PLK5: variants seen among roughly 807,000 people sequenced by gnomAD.
PLK5 encodes the protein polo like kinase 5 (inactive).
In PLK5, 28 loss-of-function variants were observed where a neutral mutation model predicts 33.7. The ratio of observed to expected loss-of-function variants is 0.83; its 90% confidence interval spans 0.62 to 1.14. The LOEUF (loss-of-function observed/expected upper bound fraction) is 1.14, where lower values mean the gene tolerates loss of function less well. Ranked by LOEUF, PLK5 falls within the 50% of genes most tolerant of loss-of-function variation. The probability of loss-of-function intolerance (pLI) is 0.00; values close to 1 mark genes in which losing one functional copy is unlikely to be tolerated. For missense variants in PLK5, 492 were observed against 461.5 expected (o/e 1.07, Z -0.61); for synonymous variants, 225 against 202.2 (o/e 1.11, Z -0.96).
Position 1,535,395 on chromosome 19 carries a change from TG to T in PLK5, c.*146del, listed in dbSNP as rs777393231. 1.9e-5 allele frequency: 16 copies of T among 835,274 alleles called. No individual in the cohort carries two copies. The highest frequency in any genetic ancestry group is 2.6e-5 in the Non-Finnish European group (15 of 569,186). The allele number at this position is 835,274 out of a possible 1,614,324, so 51.7% of individuals were successfully genotyped here. The stretch of plus-strand genomic sequence containing the variant: ...GTGGGTTCTTGCCTTGTGGCATGAC[TG>T]TTCAACCCAGACTTTGCTGGGATCT... On this transcript the variant is annotated 3_prime_UTR_variant, in exon 14 of 14. Coordinates refer to ENST00000454744, the MANE Select transcript of PLK5 (RefSeq NM_001243079.2).
In PLK5 at chr19:1,528,419, C is replaced by T. The variant is rs1266248220; in HGVS notation, c.319C>T (p.Arg107Trp). ...GGGCCAGCGGCTGCTCACCCAGTGC[C>T]GGCCACCCTGTAAGTACCACCCCCG... The part of the protein sequence containing the change: ...KVGQRLLTQC[R>W]PPCPFTPKEA... The change falls in exon 8 of 14, where the codon CGG (arginine) becomes TGG (tryptophan). Residue 107 changes from arginine to tryptophan, a missense_variant. Physicochemically the swap from Arg to Trp is moderately radical, Grantham distance 101 (BLOSUM62 -3). Coordinates refer to ENST00000454744, the MANE Select transcript of PLK5 (RefSeq NM_001243079.2). 5 of 1,534,064 alleles carry T rather than the reference C, an allele frequency of 3.3e-6. No individual in the cohort carries two copies. The highest frequency in any genetic ancestry group is 1.4e-5 in the African/African-American group (1 of 72,760).
chr19:1,535,477 T>C lies in PLK5; in HGVS notation c.*227T>C, dbSNP rs1489455944. ...GCTGTAGGCCATGGTCTGCCTCTCT[T>C]TGGGGGAAAGCGTTTGAGGAGCTTT... On this transcript the variant is annotated 3_prime_UTR_variant, in exon 14 of 14. Coordinates refer to ENST00000454744, the MANE Select transcript of PLK5 (RefSeq NM_001243079.2). 2 of 538,172 alleles carry C rather than the reference T, an allele frequency of 3.7e-6. No homozygotes were observed. Among genetic ancestry groups the C allele is most frequent in the African/African-American group, 2.0e-5 (1 of 50,276 alleles). The allele number at this position is 538,172 out of a possible 1,614,324, so 33.3% of individuals were successfully genotyped here.
Position 1,526,954 on chromosome 19 carries a change from C to T in PLK5, c.-43C>T, listed in dbSNP as rs773290324. 50 of 1,532,854 alleles carry T rather than the reference C, an allele frequency of 3.3e-5. No individual in the cohort carries two copies. The highest frequency in any genetic ancestry group is 1.7e-4 in the South Asian group (14 of 84,018). 95.0% of individuals were successfully genotyped at this position (1,532,854 alleles called of 1,614,324 possible). On this transcript the variant is annotated 5_prime_UTR_variant, in exon 6 of 14. In the 5' UTR this introduces an upstream ATG that the reference lacks. Transcript: ENST00000454744. ...TGGACCCTGAGGTTGTCTCCAGAAA[C>T]GGTCACTCCTGCCAGTAGGACATCT...
intron 7 of PLK5, 79 bp downstream of exon 7, chr19:1,528,213 C>T (rs538699681): frequency 5.2e-5 from 80 of 1,532,564 alleles, no homozygotes; most frequent in South Asian, 4.4e-4. Context: ...CCTGCTCAGC[C>T]GAGGGAGGCC....
At chr19:1,534,190 T>A in intron 13 of PLK5, 149 bp downstream of exon 13, 2 of 653,844 alleles carry the variant, frequency 3.1e-6, no homozygotes, top group Non-Finnish European at 5.2e-6. Context: ...GGCTCCTGCG[T>A]ACAAAACCAC....
intron 12 of PLK5, chr19:1,533,614 G>A: frequency 1.9e-6 from 1 of 538,360 alleles, no homozygotes; most frequent in Non-Finnish European, 3.3e-6. Flanking sequence ...GTGTAACTAG[G>A]GCAGAGCTGC....
In PLK5 at chr19:1,532,890, TCTC is replaced by T. The variant is rs555392377; in HGVS notation, c.714+1010_714+1012del. 1.7e-3 allele frequency among the ~76,000 whole-genome samples: 258 copies of T among 151,824 alleles called. 2 individuals are homozygous for T. The highest frequency in any genetic ancestry group is 5.0e-3 in the Admixed American group (76 of 15,232). The stretch of plus-strand genomic sequence containing the variant: ...ACTGTGTTAGCCAGGATGGTCTCGA[TCTC>T]CTGACCTCGTGATCTGCCCGCCTCG... On this transcript the variant is annotated intron_variant, in intron 12 of 13. Coordinates refer to ENST00000454744, the MANE Select transcript of PLK5 (RefSeq NM_001243079.2).
In PLK5 at chr19:1,531,899, C is replaced by T. The variant is rs1182018437; in HGVS notation, c.714+16C>T. 3.4e-6 allele frequency: 5 copies of T among 1,450,930 alleles called. No homozygotes were observed. Among genetic ancestry groups the T allele is most frequent in the East Asian group, 5.3e-5 (2 of 37,980 alleles). The allele number at this position is 1,450,930 out of a possible 1,614,324, so 89.9% of individuals were successfully genotyped here. A position where few individuals can be genotyped will look rare whatever the true frequency, so the allele number is the denominator to read the frequency against. On this transcript the variant is annotated intron_variant, in intron 12 of 13. Coordinates refer to ENST00000454744, the MANE Select transcript of PLK5 (RefSeq NM_001243079.2). ...CCCCCGGAGGGTAAGTTGTGGCCTC[C>T]TGTGCCCTGGGGGACCAGGCACTCC... is the stretch of plus-strand genomic sequence containing the variant.
chr19:1,526,904 G>A lies in PLK5; in HGVS notation c.-93G>A, dbSNP rs1913757288. ...AGCCCCCCATGACGCCCTTCCTAGAGTACTCTGTGGGACCCCTAACTTCCT... is the reference window on the plus strand; with the variant it reads ...AGCCCCCCATGACGCCCTTCCTAGAATACTCTGTGGGACCCCTAACTTCCT... On this transcript the variant is annotated splice_region_variant and 5_prime_UTR_variant, in exon 6 of 14. Coordinates refer to ENST00000454744, the MANE Select transcript of PLK5 (RefSeq NM_001243079.2). The A allele has an allele frequency of 1.4e-6, 2 of 1,449,738 alleles. No individual in the cohort carries two copies. Among genetic ancestry groups the A allele is most frequent in the Non-Finnish European group, 1.9e-6 (2 of 1,068,834 alleles). The allele number at this position is 1,449,738 out of a possible 1,614,324, so 89.8% of individuals were successfully genotyped here. A position where few individuals can be genotyped will look rare whatever the true frequency, so the allele number is the denominator to read the frequency against.
chr19:1,534,721 G>A (rs2145550634), intron 13 of PLK5, among the ~76,000 whole-genome samples: 1 of 151,566 alleles, frequency 6.6e-6, no homozygotes, highest in East Asian at 1.9e-4. Flanking sequence ...GGAGGCTGAG[G>A]CAGGAGAATG....
intron 11 of PLK5, among the ~76,000 whole-genome samples, chr19:1,530,405 C>T (rs1913892353): frequency 6.6e-6 from 1 of 151,900 alleles, no homozygotes; most frequent in Non-Finnish European, 1.5e-5. Flanking sequence ...CAAAGCGATT[C>T]TCCTGCCTTA....
chr19:1,534,602 G>C (rs1430740845), intron 13 of PLK5, among the ~76,000 whole-genome samples: 2 of 148,042 alleles, frequency 1.4e-5, no homozygotes, highest in Admixed American at 6.9e-5. Flanking sequence ...TCAGGAGATA[G>C]AGACCATCCT....
chr19:1,530,442 C>T (rs1046784669), intron 11 of PLK5, among the ~76,000 whole-genome samples: 1 of 151,848 alleles, frequency 6.6e-6, no homozygotes, highest in East Asian at 1.9e-4. Flanking sequence ...AGATTACAGG[C>T]GTGTGCCACC....
At chr19:1,534,274 C>A (rs375728814) in intron 13 of PLK5, among the ~76,000 whole-genome samples, 1 of 152,040 alleles carries the variant, frequency 6.6e-6, no homozygotes, top group Non-Finnish European at 1.5e-5. Context: ...TTTGGGAGGC[C>A]GAGGCGGGCA....
In PLK5 at chr19:1,529,435, C is replaced by A. The variant is rs865866106; in HGVS notation, c.435C>A (p.Cys145Ter). Residue 145 changes from cysteine (C) to a stop codon, truncating the protein, a stop_gained, in exon 10 of 14, where the codon TGC (cysteine) becomes TGA (stop). Transcript: ENST00000454744. LOFTEE classifies it high-confidence loss of function. The part of the protein sequence containing the change: ...ESSLSAKEVP[C>*]LEGPIHLVAQ... Reference sequence around the variant, plus strand: ...CCCTGTCTGCGAAAGAGGTTCCCTGCCTGGAAGGCCCCATCCACCTGGTCG... The same window carrying A: ...CCCTGTCTGCGAAAGAGGTTCCCTGACTGGAAGGCCCCATCCACCTGGTCG... 5.5e-5 allele frequency: 84 copies of A among 1,535,918 alleles called. No individual in the cohort carries two copies. In the African/African-American group the frequency reaches 9.9e-4, roughly 18 times the overall value.
chr19:1,529,038 A>G, intron 9 of PLK5, 64 bp downstream of exon 9: 1 of 1,341,976 alleles, frequency 7.5e-7, no homozygotes, highest in Non-Finnish European at 9.8e-7. Flanking sequence ...CCCTGCTAAA[A>G]CCCCCTCCCC....
intron 13 of PLK5, 74 bp from the exon 14 acceptor site, chr19:1,534,991 C>A: frequency 7.5e-7 from 1 of 1,340,100 alleles, no homozygotes. Flanking sequence ...TCCACTTGTC[C>A]TTCTGGAGCG....
In PLK5 at chr19:1,524,287, G is replaced by C. The variant is rs1403609195; in HGVS notation, c.-544+41G>C. 4.0e-5 allele frequency: 6 copies of C among 151,202 alleles called. No individual in the cohort carries two copies. Among genetic ancestry groups the C allele is most frequent in the African/African-American group, 1.5e-4 (6 of 41,366 alleles). 9.4% of individuals were successfully genotyped at this position (151,202 alleles called of 1,614,324 possible). On this transcript the variant is annotated intron_variant, in intron 1 of 13. Coordinates refer to ENST00000454744, the MANE Select transcript of PLK5 (RefSeq NM_001243079.2). The surrounding 1 kb of genome is among the most constrained non-coding windows in gnomAD (Gnocchi z 4.5). ...CCCGAGTCCGCGACGGGGCCGGACC[G>C]GGCTGGGCTGGGGTCCCGGGGCGCG... is the stretch of plus-strand genomic sequence containing the variant.
At chr19:1,528,852 T>C in intron 8 of PLK5, 46 bp from the exon 9 acceptor site, 1 of 1,393,036 alleles carries the variant, frequency 7.2e-7, no homozygotes, top group Non-Finnish European at 9.4e-7. Flanking sequence ...TACCCCCAGC[T>C]TGGGGCCCAG....
Sources: allele counts gnomAD v4.1 joint callset (sites outside exome capture counted in the v4.1 genomes callset), GRCh38; gene constraint gnomAD v4.1.1; non-coding constraint Gnocchi (gnomAD v3.1); transcripts MANE v1.5; gene names NCBI Gene and HGNC (gene_info 2026-07-23, HGNC 2026-07-21).